The following RBPJ variants were observed in gnomAD, a reference collection of about 807,000 sequenced individuals.
RBPJ encodes the protein recombination signal binding protein for immunoglobulin kappa J region, also known as recombining binding protein suppressor of hairless.
In RBPJ, 9 loss-of-function variants were observed where a neutral mutation model predicts 67.8. The ratio of observed to expected loss-of-function variants is 0.13; its 90% CI spans 0.08 to 0.23. The LOEUF is 0.23. Among genes scored for constraint, RBPJ ranks in the 10% least tolerant of loss-of-function variants. The probability of loss-of-function intolerance (pLI) is 1.00; values close to 1 mark genes in which losing one functional copy is unlikely to be tolerated. For missense variants in RBPJ, 305 were observed against 595.6 expected, an observed-to-expected ratio of 0.51 and a Z score of 5.08; for synonymous variants, 198 against 203.3, an observed-to-expected ratio of 0.97 and a Z score of 0.22.
intron 1 of RBPJ, among the ~76,000 whole-genome samples, chr4:26,328,792 G>C (rs1158924255): frequency 6.6e-6 from 1 of 152,080 alleles, no homozygotes; most frequent in Non-Finnish European, 1.5e-5. Flanking sequence ...CCAAACCCAG[G>C]TGTGCGCCAG....
At chr4:26,381,798 T>C (rs886596765) in intron 1 of RBPJ, among the ~76,000 whole-genome samples, 3 of 152,178 alleles carry the variant, frequency 2.0e-5, no homozygotes, top group Non-Finnish European at 4.4e-5. Flanking sequence ...TTGTTGTTGT[T>C]GTTATTAAAG....
At chr4:26,205,783 G>A (rs762486581) in intron 1 of RBPJ, among the ~76,000 whole-genome samples, 7 of 151,926 alleles carry the variant, frequency 4.6e-5, no homozygotes, top group Non-Finnish European at 8.8e-5. Flanking sequence ...AGTAGAGACA[G>A]GGTTTCACCA....
At chr4:26,126,052 C>T in the RBPJ span, among the ~76,000 whole-genome samples, 1 of 152,118 alleles carries the variant, frequency 6.6e-6, no homozygotes, top group Admixed American at 6.5e-5. Flanking sequence ...TTTTAAAGCC[C>T]TTAAGAATTG....
intron 1 of RBPJ, among the ~76,000 whole-genome samples, chr4:26,169,068 A>G (rs1323031593): frequency 6.6e-6 from 1 of 151,598 alleles, no homozygotes; most frequent in East Asian, 1.9e-4. Context: ...TCTTCTCTCA[A>G]CTCCTCAAAG....
intron 1 of RBPJ, among the ~76,000 whole-genome samples, chr4:26,206,751 CAAAA>C (rs34568281): frequency 1.5e-5 from 2 of 130,956 alleles, no homozygotes; most frequent in Non-Finnish European, 1.6e-5. Flanking sequence ...TTCATACCCT[CAAAA>C]AAAAAAAAAA....
At chr4:26,428,910 T>G (rs748022048) in intron 8 of RBPJ, 50 bp downstream of exon 8, 13 of 1,431,946 alleles carry the variant, frequency 9.1e-6, no homozygotes, top group Non-Finnish European at 1.3e-5. Context: ...ACTGTGAGGT[T>G]AGCAGCTTGC....
intron 7 of RBPJ, among the ~76,000 whole-genome samples, chr4:26,427,975 C>A (rs1735852261): frequency 6.6e-6 from 1 of 152,144 alleles, no homozygotes; most frequent in African/African-American, 2.4e-5. Context: ...TTCAGATATT[C>A]ATGTGTTTTG....
rs141594252 is a variant in RBPJ at position 26,239,010 on chromosome 4, A to C, written c.-167+75396A>C. ...GCGGCACCATTTGCCTTTTTCAATC[A>C]ATCAGACAACAATTGAGGGATGGCC... On this transcript the variant is annotated intron_variant, in intron 1 of 4. Transcript: ENST00000512351. Among the ~76,000 whole-genome samples the C allele has an allele frequency of 5.5e-4, 83 of 152,192 alleles. 2 individuals are homozygous for C. Among genetic ancestry groups the C allele is most frequent in the East Asian group, 5.2e-3 (27 of 5,166 alleles).
At chr4:26,299,672 C>CTTT (rs397879662) in intron 1 of RBPJ, among the ~76,000 whole-genome samples, 64 of 85,304 alleles carry the variant, frequency 7.5e-4, no homozygotes, top group Non-Finnish European at 1.0e-3. Flanking sequence ...AGACTGTGTG[C>CTTT]TTTTTTTTTT....
chr4:26,246,111 ATTTTGATAGGCATTG>A (rs932126604), intron 1 of RBPJ, among the ~76,000 whole-genome samples: 6 of 152,344 alleles, frequency 3.9e-5, no homozygotes, highest in Middle Eastern at 3.4e-3. Context: ...ACCAGCAGCC[ATTTTGATAGGCATTG>A]TTTTGAGTCT....
intron 2 of RBPJ, among the ~76,000 whole-genome samples, chr4:26,400,831 G>C (rs1732700373): frequency 1.3e-5 from 2 of 152,188 alleles, no homozygotes; most frequent in Non-Finnish European, 2.9e-5. Context: ...TTTGAACTGT[G>C]AACAGTTACA....
the RBPJ span, among the ~76,000 whole-genome samples, chr4:26,144,267 CTTTTTTTTTT>C: frequency 9.4e-6 from 1 of 106,064 alleles, no homozygotes; most frequent in African/African-American, 3.7e-5. Context: ...TAAGAAAATT[CTTTTTTTTTT>C]TTTTTTTTTT....
chr4:26,169,401 C>T (rs564080804), intron 1 of RBPJ, among the ~76,000 whole-genome samples: 33 of 152,352 alleles, frequency 2.2e-4, no homozygotes, highest in African/African-American at 7.5e-4. Context: ...TCATGATCCA[C>T]GAATGCTGCT....
At chr4:26,415,337 C>T in intron 3 of RBPJ, 138 bp from the exon 4 acceptor site, 1 of 710,686 alleles carries the variant, frequency 1.4e-6, no homozygotes, top group Non-Finnish European at 2.3e-6. Context: ...TTACAAAAGG[C>T]TTCACCAAAA....
intron 1 of RBPJ, among the ~76,000 whole-genome samples, chr4:26,285,946 C>CA (rs985464371): frequency 1.3e-5 from 2 of 152,016 alleles, no homozygotes; most frequent in African/African-American, 4.8e-5. Flanking sequence ...CCCATCGCTA[C>CA]AAAAAATTAT....
the RBPJ span, among the ~76,000 whole-genome samples, chr4:26,116,330 G>A: frequency 0.048 from 7,270 of 152,246 alleles, 585 homozygotes; most frequent in African/African-American, 0.17. Context: ...TGGAATGCCC[G>A]GTATGCTGTG....
upstream of RBPJ, among the ~76,000 whole-genome samples, chr4:26,162,557 T>G (rs1363695881): frequency 1.3e-5 from 2 of 152,222 alleles, no homozygotes; most frequent in Admixed American, 1.3e-4. Flanking sequence ...GCACTTCACA[T>G]GTATTGATCT....
the RBPJ span, among the ~76,000 whole-genome samples, chr4:26,109,577 C>CTATATATATA: frequency 2.0e-5 from 1 of 49,558 alleles, no homozygotes; most frequent in African/African-American, 9.5e-5. Flanking sequence ...CTCTCTCTCT[C>CTATATATATA]TCTATATATA....
At chr4:26,183,990 C>T (rs963224904) in intron 1 of RBPJ, among the ~76,000 whole-genome samples, 10 of 150,334 alleles carry the variant, frequency 6.7e-5, no homozygotes, top group South Asian at 2.1e-4. Flanking sequence ...CCAGCCTGGG[C>T]GACAGAACAA....
Sources: allele counts gnomAD v4.1 joint callset (sites outside exome capture counted in the v4.1 genomes callset), GRCh38; gene constraint gnomAD v4.1.1; transcripts MANE v1.5; gene names NCBI Gene and HGNC (gene_info 2026-07-23, HGNC 2026-07-21).